ALCAM: variants seen among roughly 807,000 people sequenced by gnomAD.
ALCAM encodes CD166 antigen.
Under a neutral mutation model 70.9 loss-of-function variants are expected in ALCAM, and 30 were observed. The observed-to-expected ratio is 0.42, with a 90% CI of 0.32 to 0.57. The LOEUF is 0.57. Among genes scored for constraint, ALCAM ranks in the 20% least tolerant of loss-of-function variants. The pLI is 0.11. For missense variants in ALCAM, 591 were observed against 695.1 expected (o/e 0.85, Z 1.68); for synonymous variants, 249 against 242.5 (o/e 1.03, Z -0.25).
chr3:105,409,858 A>G (rs1277428142), intron 1 of ALCAM, among the ~76,000 whole-genome samples: 3 of 152,030 alleles, frequency 2.0e-5, no homozygotes, highest in African/African-American at 7.2e-5. Flanking sequence ...TTTTATATTC[A>G]CACCAAAATT....
Position 105,476,074 on chromosome 3 carries a change from T to G in ALCAM, c.74-43993T>G, listed in dbSNP as rs148516523. 7.2e-3 allele frequency among the ~76,000 whole-genome samples: 1,099 copies of G among 152,138 alleles called. 15 individuals are homozygous for G. Among genetic ancestry groups the G allele is most frequent in the African/African-American group, 0.025 (1,045 of 41,540 alleles). On this transcript the variant is annotated intron_variant, in intron 1 of 15. Transcript: ENST00000306107. ...TCCTAAGACCAACAATGGCCTGTATTTCTAATCCAATGGGATTTCTGAGTT... is the reference window on the plus strand; with the variant it reads ...TCCTAAGACCAACAATGGCCTGTATGTCTAATCCAATGGGATTTCTGAGTT...
chr3:105,375,437 A>C (rs1935350454), intron 1 of ALCAM, among the ~76,000 whole-genome samples: 1 of 152,212 alleles, frequency 6.6e-6, no homozygotes, highest in African/African-American at 2.4e-5. Flanking sequence ...TATCAGCTAC[A>C]GTGAAATATC....
intron 1 of ALCAM, among the ~76,000 whole-genome samples, chr3:105,375,972 C>T (rs1048814994): frequency 7.9e-5 from 12 of 152,120 alleles, no homozygotes; most frequent in South Asian, 2.1e-4. Context: ...GCAAAACATA[C>T]GGCCTTTTGA....
chr3:105,502,752 C>T (rs1938960042), intron 1 of ALCAM, among the ~76,000 whole-genome samples: 1 of 152,222 alleles, frequency 6.6e-6, no homozygotes, highest in Non-Finnish European at 1.5e-5. Context: ...AACTGAAATT[C>T]ACTAGTAACC....
intron 1 of ALCAM, among the ~76,000 whole-genome samples, chr3:105,498,816 A>G (rs1938839247): frequency 1.3e-5 from 2 of 152,202 alleles, no homozygotes; most frequent in Admixed American, 6.5e-5. Flanking sequence ...ACTCCTTGCT[A>G]AATTCCCATT....
intron 1 of ALCAM, among the ~76,000 whole-genome samples, chr3:105,466,317 T>A (rs1040566304): frequency 1.3e-5 from 2 of 151,448 alleles, no homozygotes; most frequent in African/African-American, 4.8e-5. Context: ...TGTCACTACA[T>A]GCTTAAGTGC....
At chr3:105,521,560 G>T (rs1263334144) in intron 2 of ALCAM, among the ~76,000 whole-genome samples, 1 of 152,090 alleles carries the variant, frequency 6.6e-6, no homozygotes, top group Non-Finnish European at 1.5e-5. Context: ...AAATCAACAG[G>T]TTCCACAATG....
chr3:105,507,374 T>C (rs1330964511), intron 1 of ALCAM, among the ~76,000 whole-genome samples: 3 of 152,192 alleles, frequency 2.0e-5, no homozygotes, highest in Non-Finnish European at 4.4e-5. Flanking sequence ...CATTATCATA[T>C]CAGAATAATT....
intron 1 of ALCAM, among the ~76,000 whole-genome samples, chr3:105,421,765 G>T (rs763026979): frequency 2.0e-5 from 3 of 151,310 alleles, no homozygotes; most frequent in Non-Finnish European, 3.0e-5. Context: ...AAAACATTTT[G>T]TTCCACTTCT....
intron 6 of ALCAM, among the ~76,000 whole-genome samples, chr3:105,535,280 T>A (rs1340624510): frequency 6.6e-6 from 1 of 152,206 alleles, no homozygotes; most frequent in Non-Finnish European, 1.5e-5. Context: ...CTAAATTGTG[T>A]ATTTGAAACA....
At chr3:105,458,372 G>A (rs937376714) in intron 1 of ALCAM, among the ~76,000 whole-genome samples, 1 of 152,142 alleles carries the variant, frequency 6.6e-6, no homozygotes, top group Non-Finnish European at 1.5e-5. Flanking sequence ...ACTTTTGTAA[G>A]GTACGCAGGC....
At chr3:105,551,656 G>A (rs148041230) in intron 12 of ALCAM, among the ~76,000 whole-genome samples, 24 of 151,532 alleles carry the variant, frequency 1.6e-4, no homozygotes, top group South Asian at 4.2e-4. Context: ...TCTTAATCTC[G>A]GAGGTATCCC....
At chr3:105,466,701 C>A (rs1464923633) in intron 1 of ALCAM, among the ~76,000 whole-genome samples, 1 of 151,326 alleles carries the variant, frequency 6.6e-6, no homozygotes, top group Non-Finnish European at 1.5e-5. Context: ...TGTTTCAGCA[C>A]ATATTAATTA....
intron 1 of ALCAM, among the ~76,000 whole-genome samples, chr3:105,385,964 C>A (rs955685237): frequency 7.9e-5 from 12 of 151,576 alleles, no homozygotes; most frequent in Admixed American, 4.0e-4. Flanking sequence ...ATAACTGAAC[C>A]AGTGAGAATC....
chr3:105,423,093 T>C (rs1374446025), intron 1 of ALCAM, among the ~76,000 whole-genome samples: 1 of 151,470 alleles, frequency 6.6e-6, no homozygotes, highest in African/African-American at 2.4e-5. Flanking sequence ...TAGAAATTTT[T>C]TATAAGAGAT....
At chr3:105,496,899 G>A (rs921685968) in intron 1 of ALCAM, among the ~76,000 whole-genome samples, 7 of 150,738 alleles carry the variant, frequency 4.6e-5, no homozygotes, top group African/African-American at 1.2e-4. Context: ...GAAAAGAGAC[G>A]AAAAAGAGCA....
intron 1 of ALCAM, among the ~76,000 whole-genome samples, chr3:105,397,228 T>C (rs956691200): frequency 6.6e-6 from 1 of 152,098 alleles, no homozygotes; most frequent in Admixed American, 6.6e-5. Context: ...GTTTAAGCTT[T>C]ACAGATAAAT....
intron 1 of ALCAM, among the ~76,000 whole-genome samples, chr3:105,481,815 T>C (rs1219312062): frequency 2.0e-5 from 3 of 152,152 alleles, no homozygotes; most frequent in Non-Finnish European, 4.4e-5. Context: ...TACTTAGGTA[T>C]TTCCTAATTT....
intron 1 of ALCAM, among the ~76,000 whole-genome samples, chr3:105,447,336 T>C (rs1937323401): frequency 6.6e-6 from 1 of 152,132 alleles, no homozygotes; most frequent in South Asian, 2.1e-4. Flanking sequence ...AGTAGTACTT[T>C]TAGTGCAGGA....
Sources: gnomAD v4.1 joint callset for allele counts (sites outside exome capture counted in the v4.1 genomes callset) on GRCh38, gnomAD v4.1.1 for gene constraint, MANE v1.5 for transcripts, NCBI Gene and HGNC (gene_info 2026-07-23, HGNC 2026-07-21) for gene names.